Variants in PDE10A observed in about 807,000 individuals in gnomAD.
The protein encoded by PDE10A is cAMP and cAMP-inhibited cGMP 3',5'-cyclic phosphodiesterase 10A.
Under a neutral mutation model 97.7 loss-of-function variants are expected in PDE10A, and 39 were observed. The ratio of observed to expected loss-of-function variants is 0.40; its 90% confidence interval spans 0.31 to 0.52. PDE10A has a LOEUF of 0.52. Ranked by LOEUF, PDE10A falls within the 20% of genes least tolerant of loss-of-function variation. PDE10A has a pLI of 0.56. For missense variants in PDE10A, 731 were observed against 1,047.8 expected, an observed-to-expected ratio of 0.70 and a Z score of 4.17; for synonymous variants, 371 against 376.8, an observed-to-expected ratio of 0.98 and a Z score of 0.18.
At chr6:165,641,924 C>T (rs1013100944) in intron 1 of PDE10A, among the ~76,000 whole-genome samples, 3 of 152,232 alleles carry the variant, frequency 2.0e-5, no homozygotes, top group African/African-American at 7.2e-5. Flanking sequence ...GCCCCGCAGC[C>T]TCTGTCCTGC....
At chr6:165,511,727 T>C (rs1311857586) in intron 2 of PDE10A, among the ~76,000 whole-genome samples, 1 of 152,064 alleles carries the variant, frequency 6.6e-6, no homozygotes, top group African/African-American at 2.4e-5. Flanking sequence ...TTTAGAGTTA[T>C]TATATCCTCT....
At chr6:165,788,308 G>A (rs1184971361) in intron 1 of PDE10A, among the ~76,000 whole-genome samples, 5 of 151,634 alleles carry the variant, frequency 3.3e-5, no homozygotes, top group East Asian at 3.9e-4. Context: ...ACCTGAGGTC[G>A]GGAGTTGGAG....
chr6:165,802,890 T>G (rs1471969553), intron 1 of PDE10A, among the ~76,000 whole-genome samples: 2 of 152,254 alleles, frequency 1.3e-5, no homozygotes, highest in Non-Finnish European at 2.9e-5. Context: ...TGCCTTGCTG[T>G]AGCACTGTTA....
chr6:165,718,511 G>T (rs1462594833), intron 1 of PDE10A, among the ~76,000 whole-genome samples: 1 of 152,166 alleles, frequency 6.6e-6, no homozygotes, highest in Admixed American at 6.5e-5. Flanking sequence ...CAAGGGTCTA[G>T]ATAGAACAGG....
At chr6:165,396,574 T>G in intron 13 of PDE10A, 115 bp from the exon 14 acceptor site, 2 of 989,052 alleles carry the variant, frequency 2.0e-6, no homozygotes, top group Non-Finnish European at 3.0e-6. Flanking sequence ...AAAACCAAAG[T>G]GGATTTATTA....
chr6:165,618,186 C>T lies in PDE10A; in HGVS notation c.865+43761G>A, dbSNP rs142235907. On this transcript the variant is annotated intron_variant, in intron 1 of 21. Coordinates refer to ENST00000539869, the MANE Select transcript of PDE10A (RefSeq NM_001385079.1). ...GTTTAAATGTATATTTGCTACATTGCTAAAAGCTGATGCATAAGAAACCCT... is the reference window on the plus strand; with the variant it reads ...GTTTAAATGTATATTTGCTACATTGTTAAAAGCTGATGCATAAGAAACCCT... 1.7e-4 allele frequency among the ~76,000 whole-genome samples: 26 copies of T among 152,236 alleles called. No homozygotes were observed. The East Asian group carries it at 4.8e-3, about 28-fold the overall frequency.
chr6:165,539,204 T>C (rs925419080), intron 2 of PDE10A, among the ~76,000 whole-genome samples: 2 of 152,168 alleles, frequency 1.3e-5, no homozygotes, highest in South Asian at 2.1e-4. Context: ...GGTTCAGAGA[T>C]CAACTTTTAA....
At chr6:165,378,195 A>G (rs1784729003) in intron 18 of PDE10A, among the ~76,000 whole-genome samples, 1 of 152,234 alleles carries the variant, frequency 6.6e-6, no homozygotes, top group Non-Finnish European at 1.5e-5. Context: ...TGTACCTGAG[A>G]GAATAGTGAA....
chr6:165,489,429 G>A (rs1249128510), intron 2 of PDE10A, among the ~76,000 whole-genome samples: 1 of 152,190 alleles, frequency 6.6e-6, no homozygotes, highest in Non-Finnish European at 1.5e-5. Flanking sequence ...CACCCCATGG[G>A]ATAAAAGAAT....
At chr6:165,678,025 CTGTT>C (rs899371255) in intron 1 of PDE10A, among the ~76,000 whole-genome samples, 6 of 148,428 alleles carry the variant, frequency 4.0e-5, no homozygotes, top group East Asian at 2.0e-4. Context: ...GTATGTGTAG[CTGTT>C]TGTGTGGGTG....
At chr6:165,753,805 C>T (rs1002641685) in intron 1 of PDE10A, among the ~76,000 whole-genome samples, 1 of 151,960 alleles carries the variant, frequency 6.6e-6, no homozygotes, top group African/African-American at 2.4e-5. Context: ...CATTTTTTTC[C>T]ATATTGGAAT....
chr6:165,370,605 C>A (rs1319043738), intron 18 of PDE10A, among the ~76,000 whole-genome samples: 12 of 149,226 alleles, frequency 8.0e-5, no homozygotes, highest in African/African-American at 3.0e-4. Flanking sequence ...TACAAAGAGA[C>A]TTAGACTCCC....
At chr6:165,713,098 T>A (rs1791942304) in intron 1 of PDE10A, among the ~76,000 whole-genome samples, 1 of 152,166 alleles carries the variant, frequency 6.6e-6, no homozygotes, top group Admixed American at 6.5e-5. Context: ...GCCGCACACG[T>A]GAACTCAAAG....
At chr6:165,676,740 CT>C (rs34471037) in intron 1 of PDE10A, among the ~76,000 whole-genome samples, 68,789 of 151,378 alleles carry the variant, frequency 0.45, 16,401 homozygotes, top group East Asian at 0.75. Flanking sequence ...CACGATCTGA[CT>C]TTTTTTTTTA....
intron 1 of PDE10A, among the ~76,000 whole-genome samples, chr6:165,609,999 A>T (rs2128400618): frequency 6.6e-6 from 1 of 152,314 alleles, no homozygotes; most frequent in South Asian, 2.1e-4. Context: ...ACAGAATTGG[A>T]AAAAACTGCT....
At chr6:165,700,982 T>C (rs56059501) in intron 1 of PDE10A, among the ~76,000 whole-genome samples, 7,576 of 152,316 alleles carry the variant, frequency 0.05, 329 homozygotes, top group African/African-American at 0.11. Flanking sequence ...ATACCTGTGA[T>C]ACCTGGATTC....
At chr6:165,815,808 G>C (rs1779393897) in intron 1 of PDE10A, among the ~76,000 whole-genome samples, 1 of 152,038 alleles carries the variant, frequency 6.6e-6, no homozygotes, top group Non-Finnish European at 1.5e-5. Flanking sequence ...GCCCATTCTG[G>C]TCCCTTTTGT....
intron 1 of PDE10A, among the ~76,000 whole-genome samples, chr6:165,600,849 T>C (rs758039544): frequency 2.0e-5 from 3 of 152,174 alleles, no homozygotes; most frequent in Non-Finnish European, 4.4e-5. Flanking sequence ...CAGACAGTGG[T>C]ATTTTCAAAA....
chr6:165,634,754 T>C (rs1055843922), intron 1 of PDE10A, among the ~76,000 whole-genome samples: 3 of 152,134 alleles, frequency 2.0e-5, no homozygotes, highest in African/African-American at 4.8e-5. Context: ...AGAAAGAAAG[T>C]AACCACTTGT....
Sources: allele counts gnomAD v4.1 joint callset (sites outside exome capture counted in the v4.1 genomes callset), GRCh38; gene constraint gnomAD v4.1.1; transcripts MANE v1.5; gene names NCBI Gene and HGNC (gene_info 2026-07-23, HGNC 2026-07-21).